The following SYNPO2 variants were observed in gnomAD, a reference collection of about 807,000 sequenced individuals.
The protein encoded by SYNPO2 is synaptopodin 2.
In SYNPO2, 56 loss-of-function variants were observed where a neutral mutation model predicts 85.0. The observed-to-expected ratio is 0.66, with a 90% CI of 0.53 to 0.82. The LOEUF is 0.82. Among genes scored for constraint, SYNPO2 ranks in the 40% least tolerant of loss-of-function variants. The pLI, the probability that SYNPO2 is intolerant of heterozygous loss-of-function variation, is 0.00. For missense variants in SYNPO2, 1,575 were observed against 1,534.2 expected, an observed-to-expected ratio of 1.03 and a Z score of -0.44; for synonymous variants, 602 against 591.1, an observed-to-expected ratio of 1.02 and a Z score of -0.27.
At chr4:118,932,925 C>T (rs368680213) in intron 1 of SYNPO2, among the ~76,000 whole-genome samples, 3 of 152,110 alleles carry the variant, frequency 2.0e-5, no homozygotes, top group African/African-American at 7.2e-5. Context: ...TGCGAGGAAA[C>T]ATGAACTGTA....
chr4:119,014,437 G>A (rs936589801), intron 1 of SYNPO2, among the ~76,000 whole-genome samples: 1 of 151,918 alleles, frequency 6.6e-6, no homozygotes, highest in African/African-American at 2.4e-5. Flanking sequence ...TAAATAAATA[G>A]ATTTGTAGAA....
chr4:118,977,113 A>G (rs897055458), intron 1 of SYNPO2, among the ~76,000 whole-genome samples: 70 of 152,014 alleles, frequency 4.6e-4, no homozygotes, highest in African/African-American at 1.1e-3. Context: ...GGTGCTCGTC[A>G]GGGAGGCTCG....
chr4:119,032,438 G>A, intron 4 of SYNPO2: 1 of 1,101,760 alleles, frequency 9.1e-7, no homozygotes, highest in Non-Finnish European at 1.1e-6. Flanking sequence ...TTCAAATGTA[G>A]TGAAGGTATA....
intron 1 of SYNPO2, among the ~76,000 whole-genome samples, chr4:118,975,108 C>T (rs921778484): frequency 4.6e-5 from 7 of 152,174 alleles, no homozygotes; most frequent in Non-Finnish European, 7.3e-5. Flanking sequence ...CTTGCACCCA[C>T]GTGAGGCCAC....
intron 1 of SYNPO2, among the ~76,000 whole-genome samples, chr4:118,917,262 G>A (rs1373038904): frequency 2.0e-5 from 3 of 151,968 alleles, no homozygotes; most frequent in Admixed American, 6.6e-5. Context: ...GTGTGGTGGC[G>A]AGTGCCTGTA....
At chr4:119,056,334 CT>C in intron 4 of SYNPO2, among the ~76,000 whole-genome samples, 1 of 152,136 alleles carries the variant, frequency 6.6e-6, no homozygotes, top group Non-Finnish European at 1.5e-5. Flanking sequence ...GGGAGGATGG[CT>C]TGAGGCCAGG....
chr4:118,922,287 G>A (rs970501049), intron 1 of SYNPO2, among the ~76,000 whole-genome samples: 11 of 152,110 alleles, frequency 7.2e-5, no homozygotes, highest in African/African-American at 2.7e-4. Flanking sequence ...GTAGATGTAC[G>A]TCTGCATGAT....
intron 1 of SYNPO2, among the ~76,000 whole-genome samples, chr4:118,938,245 G>A (rs1179885899): frequency 2.0e-5 from 3 of 152,178 alleles, no homozygotes; most frequent in African/African-American, 7.2e-5. Flanking sequence ...CTTGAACCCG[G>A]GAAGTGGAGG....
intron 1 of SYNPO2, among the ~76,000 whole-genome samples, chr4:118,870,290 C>T (rs1201479253): frequency 1.3e-5 from 2 of 152,202 alleles, no homozygotes; most frequent in Non-Finnish European, 1.5e-5. Context: ...GGATCCTTCC[C>T]CCTTCAGAGG....
At position 119,030,138 on chromosome 4, in the gene SYNPO2, G is replaced by C; in HGVS notation, c.1363G>C (p.Asp455His). 1 of 1,614,082 alleles carries C rather than the reference G, an allele frequency of 6.2e-7. No homozygotes were observed. Among genetic ancestry groups the C allele is most frequent in the Non-Finnish European group, 8.5e-7 (1 of 1,180,000 alleles). The stretch of plus-strand genomic sequence containing the variant: ...TGAAGAGTTATTGTCTGACGTTGAC[G>C]ACAACACACAAGTTGTGAACTTTGA... ...VDEELLSDVD[D>H]NTQVVNFDWD... Residue 455 changes from aspartate to histidine, a missense_variant, in exon 4 of 5, where the codon GAC (aspartate) becomes CAC (histidine). Physicochemically the swap from Asp to His is moderately conservative, Grantham distance 81 (BLOSUM62 -1). Transcript: ENST00000307142.
intron 1 of SYNPO2, among the ~76,000 whole-genome samples, chr4:118,878,580 C>T (rs565858469): frequency 7.2e-5 from 11 of 152,074 alleles, no homozygotes; most frequent in South Asian, 2.1e-4. Flanking sequence ...GGTTTGTAAA[C>T]GCACCAATCA....
At chr4:118,851,428 G>A (rs11938404) in intron 1 of SYNPO2, among the ~76,000 whole-genome samples, 82,364 of 151,098 alleles carry the variant, frequency 0.55, 24,196 homozygotes, top group African/African-American at 0.76. Flanking sequence ...CAGAGGTTGC[G>A]GTGAGCCGAG....
intron 1 of SYNPO2, among the ~76,000 whole-genome samples, chr4:118,955,041 C>T (rs1734825065): frequency 6.9e-6 from 1 of 145,478 alleles, no homozygotes; most frequent in African/African-American, 2.6e-5. Context: ...ACTCTATCAC[C>T]TAGGCTACAG....
intron 4 of SYNPO2, among the ~76,000 whole-genome samples, chr4:119,045,279 T>G (rs1738840078): frequency 6.6e-6 from 1 of 152,184 alleles, no homozygotes; most frequent in South Asian, 2.1e-4. Flanking sequence ...ATGTGCCAGG[T>G]ACCAACATTT....
chr4:118,879,029 A>G (rs1483776779), intron 1 of SYNPO2, among the ~76,000 whole-genome samples: 1 of 152,160 alleles, frequency 6.6e-6, no homozygotes, highest in Non-Finnish European at 1.5e-5. Flanking sequence ...ACAGGGAGGA[A>G]TGAACAACTC....
chr4:119,055,826 A>T (rs988524503), intron 4 of SYNPO2, among the ~76,000 whole-genome samples: 7 of 152,084 alleles, frequency 4.6e-5, no homozygotes, highest in South Asian at 2.1e-4. Context: ...GAGAATCAAG[A>T]TTTATTATAT....
chr4:118,907,167 A>G (rs1365761449), intron 1 of SYNPO2, among the ~76,000 whole-genome samples: 2 of 152,210 alleles, frequency 1.3e-5, no homozygotes, highest in Non-Finnish European at 2.9e-5. Context: ...TTTTTAAAAT[A>G]ATGAAGCAGT....
chr4:119,036,093 G>A (rs1268708660), intron 4 of SYNPO2: 3 of 985,252 alleles, frequency 3.0e-6, no homozygotes, highest in African/African-American at 3.5e-5. Context: ...GCTCCTGCAA[G>A]CACCCCCATT....
chr4:118,926,617 A>G (rs28542234), intron 1 of SYNPO2, among the ~76,000 whole-genome samples: 30,759 of 152,086 alleles, frequency 0.2, 3,271 homozygotes, highest in African/African-American at 0.27. Flanking sequence ...AAAAACACAC[A>G]GCAACCCTGA....
Sources: allele counts gnomAD v4.1 joint callset (sites outside exome capture counted in the v4.1 genomes callset), GRCh38; gene constraint gnomAD v4.1.1; transcripts MANE v1.5; gene names NCBI Gene and HGNC (gene_info 2026-07-23, HGNC 2026-07-21).